The following ABCB5 variants were observed in gnomAD, a reference collection of about 807,000 sequenced individuals.
The protein encoded by ABCB5 is ATP binding cassette subfamily B member 5.
In ABCB5, 155 loss-of-function variants were observed where a neutral mutation model predicts 144.2. The ratio of observed to expected loss-of-function variants is 1.08; its 90% CI spans 0.94 to 1.23. ABCB5 has a LOEUF of 1.23. ABCB5 is among the 50% of genes most tolerant of loss of function. The pLI is 0.00. For missense variants in ABCB5, 1,830 were observed against 1,520.8 expected, an observed-to-expected ratio of 1.20 and a Z score of -3.38; for synonymous variants, 610 against 528.6, an observed-to-expected ratio of 1.15 and a Z score of -2.11.
intron 14 of ABCB5, among the ~76,000 whole-genome samples, chr7:20,670,965 G>A (rs537581040): frequency 2.4e-4 from 36 of 152,240 alleles, no homozygotes; most frequent in African/African-American, 7.9e-4. Flanking sequence ...TGTTCCCCAC[G>A]TATCAGTCAC....
At chr7:20,708,334 G>A (rs1361921621) in intron 20 of ABCB5, among the ~76,000 whole-genome samples, 2 of 151,982 alleles carry the variant, frequency 1.3e-5, no homozygotes, top group Admixed American at 6.6e-5. Flanking sequence ...GGTTAAGGAC[G>A]GCTCTTTTAA....
chr7:20,633,726 C>A (rs1463867390), intron 5 of ABCB5, among the ~76,000 whole-genome samples: 1 of 152,122 alleles, frequency 6.6e-6, no homozygotes, highest in Non-Finnish European at 1.5e-5. Flanking sequence ...TTTCTCCTAT[C>A]TACCTATAAC....
At chr7:20,619,403 C>T (rs1783760585) in intron 1 of ABCB5, among the ~76,000 whole-genome samples, 1 of 152,100 alleles carries the variant, frequency 6.6e-6, no homozygotes, top group South Asian at 2.1e-4. Context: ...AGTGGTATCT[C>T]ATTGTGGTTT....
Position 20,728,384 on chromosome 7 carries a change from C to A in ABCB5, c.2796C>A (p.Ala932=), listed in dbSNP as rs779903402. The A allele has an allele frequency of 1.2e-6, 2 of 1,614,012 alleles. No individual in the cohort carries two copies. The highest frequency in any genetic ancestry group is 1.7e-6 in the Non-Finnish European group (2 of 1,180,024). The change falls in exon 23 of 28, where the codon GCC becomes GCA. Residue 932 remains alanine (A), a synonymous_variant. Transcript: ENST00000404938. The stretch of plus-strand genomic sequence containing the variant: ...TCAGCCATGCCTTTATATATTTTGC[C>A]TATGCGGCAGGGTTTCGATTTGGAG... ...YAFSHAFIYF[A]YAAGFRFGAY...
intron 1 of ABCB5, among the ~76,000 whole-genome samples, chr7:20,621,955 G>A (rs1289876251): frequency 6.6e-6 from 1 of 152,126 alleles, no homozygotes; most frequent in Non-Finnish European, 1.5e-5. Context: ...ATTTGGCTCA[G>A]TGGACTTCCT....
At chr7:20,700,271 A>C in intron 19 of ABCB5, 136 bp downstream of exon 19, 1 of 728,712 alleles carries the variant, frequency 1.4e-6, no homozygotes, top group Non-Finnish European at 2.1e-6. Context: ...AGCAGCAAAA[A>C]TCTGATGTCA....
At chr7:20,720,502 G>A (rs1317375353) in intron 20 of ABCB5, among the ~76,000 whole-genome samples, 3 of 151,918 alleles carry the variant, frequency 2.0e-5, no homozygotes, top group Admixed American at 2.0e-4. Flanking sequence ...CCACTTGATA[G>A]GATGCAATGA....
intron 14 of ABCB5, among the ~76,000 whole-genome samples, chr7:20,668,589 G>A (rs1386525007): frequency 6.9e-6 from 1 of 144,782 alleles, no homozygotes; most frequent in Non-Finnish European, 1.5e-5. Context: ...CGGGAGGGAG[G>A]TGGGGGGGGG....
intron 19 of ABCB5, among the ~76,000 whole-genome samples, chr7:20,701,021 C>A (rs1348968608): frequency 6.6e-6 from 1 of 152,156 alleles, no homozygotes; most frequent in East Asian, 1.9e-4. Flanking sequence ...AGATACAAAA[C>A]GGAAAGAAGC....
At chr7:20,658,315 C>A (rs1293855405) in intron 13 of ABCB5, among the ~76,000 whole-genome samples, 191 bp from the exon 14 acceptor site, 1 of 144,038 alleles carries the variant, frequency 6.9e-6, no homozygotes, top group Non-Finnish European at 1.5e-5. Flanking sequence ...TATGTCCTCT[C>A]TTCTTTGGGC....
intron 1 of ABCB5, among the ~76,000 whole-genome samples, chr7:20,619,241 A>C (rs1783757268): frequency 6.6e-6 from 1 of 152,104 alleles, no homozygotes; most frequent in South Asian, 2.1e-4. Flanking sequence ...GTTCTGTTTT[A>C]AGTTCTTTGA....
chr7:20,717,938 G>A (rs1263064034), intron 20 of ABCB5, among the ~76,000 whole-genome samples: 3 of 105,078 alleles, frequency 2.9e-5, no homozygotes, highest in Non-Finnish European at 5.1e-5. Context: ...GCCTCGCTCT[G>A]TCGCCCAGGC....
intron 26 of ABCB5, among the ~76,000 whole-genome samples, chr7:20,746,106 CT>C (rs112735410): frequency 1.0e-3 from 149 of 145,580 alleles, no homozygotes; most frequent in Admixed American, 1.0e-3. Flanking sequence ...CCTTAACTTT[CT>C]TTTTTTTTTT....
At chr7:20,644,945 T>C (rs1784369692) in intron 7 of ABCB5, among the ~76,000 whole-genome samples, 2 of 152,210 alleles carry the variant, frequency 1.3e-5, no homozygotes, top group South Asian at 4.1e-4. Context: ...GAAATCTCAG[T>C]AGAAAGATTG....
chr7:20,651,781 G>T, intron 13 of ABCB5, 158 bp downstream of exon 13: 1 of 689,804 alleles, frequency 1.4e-6, no homozygotes, highest in Non-Finnish European at 2.4e-6. Context: ...GCACAAGATG[G>T]CTTTGAATGA....
rs569423553 is a variant in ABCB5 at position 20,688,255 on chromosome 7, A to G, written c.2010+2419A>G. ...ATAAACAAAGATCAATAATGAAATG[A>G]AAAAGAAATGGAGCAGTATTTTAGA... On this transcript the variant is annotated intron_variant, in intron 16 of 27. Transcript: ENST00000404938. Among the ~76,000 whole-genome samples the G allele has an allele frequency of 8.5e-5, 13 of 152,324 alleles. No individual in the cohort carries two copies. The South Asian group carries it at 2.7e-3, about 32-fold the overall frequency.
chr7:20,675,609 C>G (rs539176850), intron 14 of ABCB5, among the ~76,000 whole-genome samples: 1 of 152,004 alleles, frequency 6.6e-6, no homozygotes, highest in South Asian at 2.1e-4. Context: ...ACAATTATTT[C>G]TCGGATATGA....
chr7:20,654,367 T>C (rs1274460794), intron 13 of ABCB5, among the ~76,000 whole-genome samples: 1 of 152,046 alleles, frequency 6.6e-6, no homozygotes, highest in Non-Finnish European at 1.5e-5. Context: ...TCAAAATACA[T>C]GAAGCAAAAA....
intron 14 of ABCB5, among the ~76,000 whole-genome samples, chr7:20,674,516 G>A (rs1785543184): frequency 6.6e-6 from 1 of 151,694 alleles, no homozygotes; most frequent in Admixed American, 6.6e-5. Flanking sequence ...AATGATTGAA[G>A]TTAAGTTGCT....
Sources: allele counts gnomAD v4.1 joint callset (sites outside exome capture counted in the v4.1 genomes callset), GRCh38; gene constraint gnomAD v4.1.1; transcripts MANE v1.5; gene names NCBI Gene and HGNC (gene_info 2026-07-23, HGNC 2026-07-21).